SPAG16: variants seen among roughly 807,000 people sequenced by gnomAD.
SPAG16 encodes sperm-associated antigen 16 protein.
A neutral mutation model predicts 80.4 loss-of-function variants in SPAG16; 86 were observed. The observed-to-expected ratio is 1.07, with a 90% confidence interval of 0.90 to 1.28. SPAG16 has a LOEUF of 1.28. Ranked by LOEUF, SPAG16 falls within the 50% of genes most tolerant of loss-of-function variation. SPAG16 has a pLI of 0.00. For synonymous variants in SPAG16, 294 were observed against 265.9 expected (o/e 1.11, Z -1.03); for missense variants, 870 against 765.3 (o/e 1.14, Z -1.61).
chr2:213,504,932 GC>G (rs2074907012), intron 10 of SPAG16, among the ~76,000 whole-genome samples: 1 of 152,192 alleles, frequency 6.6e-6, no homozygotes, highest in African/African-American at 2.4e-5. Flanking sequence ...AAAAATTCAT[GC>G]CCTTCGGAAT....
chr2:213,302,286 A>G (rs2062768338), intron 3 of SPAG16, among the ~76,000 whole-genome samples: 1 of 152,156 alleles, frequency 6.6e-6, no homozygotes, highest in African/African-American at 2.4e-5. Flanking sequence ...TAAGTTAGTT[A>G]AAAGCCGTAA....
rs534973384 is a variant in SPAG16, at chr2:213,640,792, G to T, written c.1070+150702G>T. Reference sequence around the variant, plus strand: ...CTGGTTAGCAAGGGTGTTAAAGTTAGTAGAATTAGCTGTTATTTTCTCCTT... The same window carrying T: ...CTGGTTAGCAAGGGTGTTAAAGTTATTAGAATTAGCTGTTATTTTCTCCTT... On this transcript the variant is annotated intron_variant, in intron 10 of 15. Coordinates refer to ENST00000331683, the MANE Select transcript of SPAG16 (RefSeq NM_024532.5). Among the ~76,000 whole-genome samples, 11 of 151,836 alleles carry T rather than the reference G, an allele frequency of 7.2e-5. No homozygotes were observed. The South Asian group carries it at 2.3e-3, about 31-fold the overall frequency.
chr2:213,443,817 A>C (rs1290738592), intron 9 of SPAG16, among the ~76,000 whole-genome samples: 1 of 152,204 alleles, frequency 6.6e-6, no homozygotes, highest in East Asian at 1.9e-4. Flanking sequence ...TGCATGCACA[A>C]GTGTTTCCAG....
intron 13 of SPAG16, among the ~76,000 whole-genome samples, chr2:214,042,679 T>A (rs1408401012): frequency 6.6e-6 from 1 of 152,166 alleles, no homozygotes; most frequent in Admixed American, 6.5e-5. Context: ...TCTTCACACT[T>A]TCTTTTCCTT....
chr2:213,561,942 G>A (rs530810067), intron 10 of SPAG16, among the ~76,000 whole-genome samples: 1 of 152,096 alleles, frequency 6.6e-6, no homozygotes, highest in Non-Finnish European at 1.5e-5. Context: ...TTGAATTGCA[G>A]TTTATGCTCA....
intron 15 of SPAG16, among the ~76,000 whole-genome samples, chr2:214,384,561 C>A (rs942553147): frequency 6.6e-6 from 1 of 152,206 alleles, no homozygotes; most frequent in Non-Finnish European, 1.5e-5. Flanking sequence ...TTCTTCCTCC[C>A]TATCCCATGA....
At chr2:214,106,652 G>A (rs755862839) in intron 13 of SPAG16, among the ~76,000 whole-genome samples, 1 of 152,124 alleles carries the variant, frequency 6.6e-6, no homozygotes, top group Non-Finnish European at 1.5e-5. Flanking sequence ...CAATAACAGT[G>A]AGGGGCATCA....
Position 214,278,619 on chromosome 2 carries a change from C to T in SPAG16, c.1720+129353C>T, listed in dbSNP as rs116181131. Among the ~76,000 whole-genome samples, 420 of 152,108 alleles carry T rather than the reference C, an allele frequency of 2.8e-3. 3 individuals carry two copies. Among genetic ancestry groups the T allele is most frequent in the African/African-American group, 9.7e-3 (403 of 41,504 alleles). On this transcript the variant is annotated intron_variant, in intron 15 of 15. Coordinates refer to ENST00000331683, the MANE Select transcript of SPAG16 (RefSeq NM_024532.5). The stretch of plus-strand genomic sequence containing the variant: ...AATCTTGATATTTTTCTAAGAAGCA[C>T]TATCTTTGAGAAAAAACTTATTTTC...
chr2:214,364,013 A>ATTCT (rs2126075142), intron 15 of SPAG16, among the ~76,000 whole-genome samples: 1 of 152,162 alleles, frequency 6.6e-6, no homozygotes, highest in East Asian at 1.9e-4. Flanking sequence ...ACCCAGACGT[A>ATTCT]TTCTTTCTTT....
intron 1 of SPAG16, among the ~76,000 whole-genome samples, chr2:213,288,591 G>C (rs2062146463): frequency 6.6e-6 from 1 of 151,882 alleles, no homozygotes; most frequent in South Asian, 2.1e-4. Flanking sequence ...GATTACAGGT[G>C]TGAGCCACCG....
intron 15 of SPAG16, among the ~76,000 whole-genome samples, chr2:214,335,755 C>CTT (rs71037369): frequency 0.045 from 4,088 of 90,470 alleles, 539 homozygotes; most frequent in African/African-American, 0.16. Flanking sequence ...TATTAGGATT[C>CTT]TTTTTTTTTT....
chr2:214,059,882 G>A (rs1009318367), intron 13 of SPAG16, among the ~76,000 whole-genome samples: 1 of 152,040 alleles, frequency 6.6e-6, no homozygotes, highest in Non-Finnish European at 1.5e-5. Context: ...TTTTGCTCCC[G>A]TGGTCAGGTT....
At chr2:214,058,860 G>T (rs1312507512) in intron 13 of SPAG16, among the ~76,000 whole-genome samples, 4 of 151,912 alleles carry the variant, frequency 2.6e-5, no homozygotes, top group East Asian at 1.9e-4. Flanking sequence ...GTGGATGAAG[G>T]GTATTAAATG....
chr2:214,284,733 A>T (rs1040321368), intron 15 of SPAG16, among the ~76,000 whole-genome samples: 1 of 152,116 alleles, frequency 6.6e-6, no homozygotes, highest in Non-Finnish European at 1.5e-5. Context: ...AATCTAGTCA[A>T]ACTTCATTAC....
At chr2:214,021,668 G>T (rs1274012184) in intron 13 of SPAG16, among the ~76,000 whole-genome samples, 2 of 152,062 alleles carry the variant, frequency 1.3e-5, no homozygotes, top group Non-Finnish European at 2.9e-5. Context: ...AATATGCAAA[G>T]TGCTTGAAAG....
intron 10 of SPAG16, among the ~76,000 whole-genome samples, chr2:213,756,155 T>C (rs984263762): frequency 6.6e-6 from 1 of 152,020 alleles, no homozygotes. Context: ...ACATAAGTAA[T>C]TTTAGCAATC....
At chr2:213,756,375 G>C (rs1037456086) in intron 10 of SPAG16, among the ~76,000 whole-genome samples, 7 of 152,102 alleles carry the variant, frequency 4.6e-5, no homozygotes, top group African/African-American at 1.7e-4. Flanking sequence ...TGTAGTCCCA[G>C]CTATTCGGAA....
At chr2:213,380,987 T>C (rs1164909103) in intron 9 of SPAG16, among the ~76,000 whole-genome samples, 5 of 152,234 alleles carry the variant, frequency 3.3e-5, no homozygotes, top group Non-Finnish European at 4.4e-5. Flanking sequence ...CTTTCCTGGT[T>C]GTAAGATTTT....
intron 12 of SPAG16, among the ~76,000 whole-genome samples, chr2:214,003,161 C>T (rs1440825190): frequency 6.6e-6 from 1 of 152,152 alleles, no homozygotes; most frequent in Non-Finnish European, 1.5e-5. Context: ...GAGTCAACTG[C>T]AGTGTACCAC....
Sources: gnomAD v4.1 joint callset for allele counts (sites outside exome capture counted in the v4.1 genomes callset) on GRCh38, gnomAD v4.1.1 for gene constraint, MANE v1.5 for transcripts, NCBI Gene and HGNC (gene_info 2026-07-23, HGNC 2026-07-21) for gene names.